Variants in CLSTN2 observed in about 807,000 individuals in gnomAD.
The protein encoded by CLSTN2 is calsyntenin 2.
CLSTN2 carries 48 observed loss-of-function variants against 101.2 expected under a neutral mutation model. The ratio of observed to expected loss-of-function variants is 0.47; its 90% CI spans 0.38 to 0.60. CLSTN2 has a LOEUF of 0.60. Among genes scored for constraint, CLSTN2 ranks in the 20% least tolerant of loss-of-function variants. The pLI, the probability that CLSTN2 is intolerant of heterozygous loss-of-function variation, is 0.00. For missense variants in CLSTN2, 1,160 were observed against 1,238.2 expected (o/e 0.94, Z 0.95); for synonymous variants, 481 against 463.6 (o/e 1.04, Z -0.48).
At position 140,164,455 on chromosome 3, in the gene CLSTN2, C is replaced by T. The variant is rs186528113; in HGVS notation, c.110-11496C>T. On this transcript the variant is annotated intron_variant, in intron 1 of 16. Transcript: ENST00000458420. ...CTCTAACTCAAGAGTCTCATTTTATCTTCCTCTCAAAAACCTTGCAGAATT... is the reference window on the plus strand; with the variant it reads ...CTCTAACTCAAGAGTCTCATTTTATTTTCCTCTCAAAAACCTTGCAGAATT... Among the ~76,000 whole-genome samples the T allele has an allele frequency of 2.3e-3, 344 of 152,256 alleles. 1 individual carries two copies. The highest frequency in any genetic ancestry group is 7.8e-3 in the African/African-American group (326 of 41,556).
intron 1 of CLSTN2, among the ~76,000 whole-genome samples, chr3:140,135,117 C>CATATATATATATATAT (rs66931848): frequency 3.4e-5 from 2 of 58,118 alleles, no homozygotes; most frequent in African/African-American, 8.6e-5. Context: ...CACACACACA[C>CATATATATATATATAT]ATATATATAT....
chr3:140,253,981 A>T (rs2086584580), intron 2 of CLSTN2, among the ~76,000 whole-genome samples: 1 of 152,060 alleles, frequency 6.6e-6, no homozygotes, highest in Non-Finnish European at 1.5e-5. Flanking sequence ...GGGGTCAGGA[A>T]GTCATGTTTT....
At chr3:140,108,930 C>T (rs2009106710) in intron 1 of CLSTN2, among the ~76,000 whole-genome samples, 1 of 152,104 alleles carries the variant, frequency 6.6e-6, no homozygotes, top group Non-Finnish European at 1.5e-5. Flanking sequence ...CACAGAGGGG[C>T]AGAGAGCACC....
At chr3:140,471,971 A>G (rs1490067329) in intron 8 of CLSTN2, among the ~76,000 whole-genome samples, 3 of 152,322 alleles carry the variant, frequency 2.0e-5, no homozygotes, top group Non-Finnish European at 2.9e-5. Flanking sequence ...TACTATGTTG[A>G]TACAAGAAAG....
rs202191040 is a variant in CLSTN2, at chr3:140,552,398, G to GT, written c.1675-4112dup. 9.1e-3 allele frequency among the ~76,000 whole-genome samples: 472 copies of GT among 52,096 alleles called. 1 individual carries two copies. The highest frequency in any genetic ancestry group is 0.022 in the African/African-American group (450 of 20,678). 34.2% of individuals were successfully genotyped at this position (52,096 alleles called of 152,430 possible). A position where few individuals can be genotyped will look rare whatever the true frequency, so the allele number is the denominator to read the frequency against. ...CACCCACAGAGCTGGGAATACCGCA[G>GT]TTTAAAAAAAAAAAAAAAAAAGAAC... On this transcript the variant is annotated intron_variant, in intron 10 of 16. Coordinates refer to ENST00000458420, the MANE Select transcript of CLSTN2 (RefSeq NM_022131.3).
chr3:140,505,072 C>CTT (rs11414136), intron 8 of CLSTN2, among the ~76,000 whole-genome samples: 14 of 150,028 alleles, frequency 9.3e-5, no homozygotes, highest in African/African-American at 2.2e-4. Context: ...AAGAAAGTAT[C>CTT]TTTTTTTTTT....
intron 2 of CLSTN2, among the ~76,000 whole-genome samples, chr3:140,191,462 T>C (rs931600487): frequency 6.6e-6 from 1 of 152,042 alleles, no homozygotes; most frequent in African/African-American, 2.4e-5. Context: ...CTGGAAGAGA[T>C]TATGTAGAAT....
At chr3:140,193,725 T>G (rs2010605559) in intron 2 of CLSTN2, among the ~76,000 whole-genome samples, 1 of 152,134 alleles carries the variant, frequency 6.6e-6, no homozygotes, top group South Asian at 2.1e-4. Flanking sequence ...TTGAGGATTT[T>G]TTTTAGCACT....
At chr3:140,084,674 A>G (rs909294441) in intron 1 of CLSTN2, among the ~76,000 whole-genome samples, 2 of 152,204 alleles carry the variant, frequency 1.3e-5, no homozygotes, top group African/African-American at 4.8e-5. Context: ...ACACACTGAT[A>G]TGGGATATAA....
intron 1 of CLSTN2, among the ~76,000 whole-genome samples, chr3:140,062,750 T>C (rs973287419): frequency 6.6e-6 from 1 of 152,302 alleles, no homozygotes; most frequent in Middle Eastern, 3.4e-3. Flanking sequence ...ACTTGGGTTC[T>C]TGTCCCAGCT....
chr3:139,966,752 G>T (rs1935607203), intron 1 of CLSTN2, among the ~76,000 whole-genome samples: 1 of 152,196 alleles, frequency 6.6e-6, no homozygotes, highest in Non-Finnish European at 1.5e-5. Context: ...ATAAGTGTTT[G>T]TTGATGGACT....
intron 5 of CLSTN2, among the ~76,000 whole-genome samples, chr3:140,447,864 A>G (rs1400783724): frequency 1.3e-5 from 2 of 152,244 alleles, no homozygotes; most frequent in Non-Finnish European, 2.9e-5. Context: ...TACAATAAGT[A>G]TGGCACCTTG....
chr3:140,400,831 C>T (rs2088233474), intron 2 of CLSTN2, among the ~76,000 whole-genome samples: 1 of 152,214 alleles, frequency 6.6e-6, no homozygotes, highest in South Asian at 2.1e-4. Flanking sequence ...CCACTCCTGC[C>T]ACACTGGGCC....
chr3:140,556,830 C>T, intron 11 of CLSTN2, 169 bp downstream of exon 11: 2 of 624,868 alleles, frequency 3.2e-6, no homozygotes, highest in East Asian at 2.8e-5. Flanking sequence ...TTCTTGTTTT[C>T]TTCCTAAGCA....
chr3:140,483,365 A>G (rs1326324655), intron 8 of CLSTN2, among the ~76,000 whole-genome samples: 1 of 152,168 alleles, frequency 6.6e-6, no homozygotes, highest in Non-Finnish European at 1.5e-5. Context: ...ACTTCCAACT[A>G]TATGGTCAAT....
chr3:140,534,069 G>A (rs1279141472), intron 9 of CLSTN2, among the ~76,000 whole-genome samples: 1 of 152,100 alleles, frequency 6.6e-6, no homozygotes, highest in Middle Eastern at 3.2e-3. Flanking sequence ...GTGTCACATG[G>A]CAAGAGTTCA....
intron 2 of CLSTN2, among the ~76,000 whole-genome samples, chr3:140,382,071 G>A (rs1462315839): frequency 6.6e-6 from 1 of 152,110 alleles, no homozygotes; most frequent in Non-Finnish European, 1.5e-5. Context: ...AAAATGCAGT[G>A]TGTAGGTACC....
intron 1 of CLSTN2, among the ~76,000 whole-genome samples, chr3:140,113,049 C>T (rs1160603980): frequency 1.3e-5 from 2 of 152,108 alleles, no homozygotes; most frequent in African/African-American, 4.8e-5. Context: ...TGCCTTCCAG[C>T]TTGTGGGAAC....
chr3:140,320,477 G>T (rs908256889), intron 2 of CLSTN2, among the ~76,000 whole-genome samples: 1 of 152,072 alleles, frequency 6.6e-6, no homozygotes, highest in African/African-American at 2.4e-5. Context: ...AGATGCTACT[G>T]GGCATACTTT....
Sources: allele counts gnomAD v4.1 joint callset (sites outside exome capture counted in the v4.1 genomes callset), GRCh38; gene constraint gnomAD v4.1.1; transcripts MANE v1.5; gene names NCBI Gene and HGNC (gene_info 2026-07-23, HGNC 2026-07-21).